TEF: variants seen among roughly 807,000 people sequenced by gnomAD.
TEF encodes TEF transcription factor, PAR bZIP family member.
In TEF, 3 loss-of-function variants were observed where a neutral mutation model predicts 20.8. The observed-to-expected ratio is 0.14, with a 90% CI of 0.07 to 0.37. TEF has a LOEUF of 0.37. Ranked by LOEUF, TEF falls within the 10% of genes least tolerant of loss-of-function variation. The pLI is 1.00. For synonymous variants in TEF, 180 were observed against 171.1 expected, an observed-to-expected ratio of 1.05 and a Z score of -0.41; for missense variants, 296 against 397.9, an observed-to-expected ratio of 0.74 and a Z score of 2.18.
At chr22:41,390,967 ACCC>A (rs2041288154) in intron 2 of TEF, among the ~76,000 whole-genome samples, 1 of 152,018 alleles carries the variant, frequency 6.6e-6, no homozygotes, top group Non-Finnish European at 1.5e-5. Flanking sequence ...GCTGAAGGGC[ACCC>A]AGGCATGGCG....
At chr22:41,387,745 C>A in intron 2 of TEF, 77 bp downstream of exon 2, 2 of 1,438,674 alleles carry the variant, frequency 1.4e-6, no homozygotes, top group South Asian at 1.3e-5. Flanking sequence ...TGCTTGTGTC[C>A]ATGTACCCAG....
intron 3 of TEF, among the ~76,000 whole-genome samples, chr22:41,395,186 A>G (rs2037212307): frequency 6.6e-6 from 1 of 152,036 alleles, no homozygotes; most frequent in Non-Finnish European, 1.5e-5. Flanking sequence ...TTGTATTCTT[A>G]GTAGAGATGG....
chr22:41,381,496 T>C (rs931707592), upstream of TEF, among the ~76,000 whole-genome samples: 4 of 152,090 alleles, frequency 2.6e-5, no homozygotes, highest in Non-Finnish European at 4.4e-5. Context: ...TAGGTCGCTT[T>C]GGCCGGCCTG....
At chr22:41,393,013 T>C (rs1409393722) in intron 2 of TEF, among the ~76,000 whole-genome samples, 1 of 150,686 alleles carries the variant, frequency 6.6e-6, no homozygotes, top group Non-Finnish European at 1.5e-5. Flanking sequence ...CTACCCTGAG[T>C]GACAGAGCAA....
In TEF at chr22:41,396,067, A is replaced by G. The variant is rs550745234; in HGVS notation, c.*107A>G. On this transcript the variant is annotated 3_prime_UTR_variant, in exon 4 of 4. Coordinates refer to ENST00000266304, the MANE Select transcript of TEF (RefSeq NM_003216.4). ...GAGACTTATGACTCGTCGTGGGCGC[A>G]TGGCGGCGCACCTGCTGCAGGAGCG... 5.6e-6 allele frequency: 7 copies of G among 1,247,360 alleles called. No individual in the cohort carries two copies. Among genetic ancestry groups the G allele is most frequent in the East Asian group, 2.5e-5 (1 of 40,350 alleles). 77.3% of individuals were successfully genotyped at this position (1,247,360 alleles called of 1,614,324 possible).
chr22:41,367,710 A>C, intron 1 of TEF: 72 of 1,069,872 alleles, frequency 6.7e-5, no homozygotes, highest in Non-Finnish European at 7.9e-5. Context: ...GGAGGGTCTC[A>C]GCAGTGGTGC....
At chr22:41,372,336 G>T (rs957105316) in intron 1 of TEF, among the ~76,000 whole-genome samples, 2 of 152,010 alleles carry the variant, frequency 1.3e-5, no homozygotes, top group African/African-American at 4.8e-5. Context: ...ACGGCATGTC[G>T]AGGAGTGATC....
rs1601808961 is a variant in TEF, at chr22:41,370,164, G to A, written c.67+2565G>A. 4 of 914,968 alleles carry A rather than the reference G, an allele frequency of 4.4e-6. No homozygotes were observed. In the Admixed American group the frequency reaches 2.5e-4, roughly 57 times the overall value. 56.7% of individuals were successfully genotyped at this position (914,968 alleles called of 1,614,324 possible). A position where few individuals can be genotyped will look rare whatever the true frequency, so the allele number is the denominator to read the frequency against. ...AGAGTCTTGCTCTATCGCCAGGCTGGAGTGCAGTGGTGCTATCTCGGCTCA... is the reference window on the plus strand; with the variant it reads ...AGAGTCTTGCTCTATCGCCAGGCTGAAGTGCAGTGGTGCTATCTCGGCTCA... On this transcript the variant is annotated intron_variant, in intron 1 of 3. Coordinates refer to the TEF transcript ENST00000406644.
At chr22:41,379,108 G>A (rs959707335), upstream of TEF, among the ~76,000 whole-genome samples, 8 of 151,734 alleles carry the variant, frequency 5.3e-5, no homozygotes, top group Admixed American at 1.3e-4. Context: ...TGGGAGACGC[G>A]GGTGGATCAC....
intron 1 of TEF, among the ~76,000 whole-genome samples, chr22:41,386,283 C>A (rs2037096363): frequency 6.6e-6 from 1 of 151,290 alleles, no homozygotes; most frequent in Non-Finnish European, 1.5e-5. Flanking sequence ...CTACTAAATA[C>A]AAAAAAAATT....
At chr22:41,381,278 G>A (rs564120719), upstream of TEF, among the ~76,000 whole-genome samples, 37 of 152,288 alleles carry the variant, frequency 2.4e-4, no homozygotes, top group African/African-American at 8.4e-4. Context: ...AGAGTCCCCA[G>A]AACAAAAAGA....
At chr22:41,378,532 G>A (rs962419856), upstream of TEF, among the ~76,000 whole-genome samples, 8 of 151,982 alleles carry the variant, frequency 5.3e-5, no homozygotes, top group African/African-American at 1.9e-4. Flanking sequence ...TTTTTTAGTA[G>A]AGACAGGGTT....
chr22:41,379,893 C>CA (rs1221059649), upstream of TEF, among the ~76,000 whole-genome samples: 1,853 of 44,912 alleles, frequency 0.041, 32 homozygotes, highest in African/African-American at 0.1. Flanking sequence ...AACTCCGTCT[C>CA]AAAAAAAAAA....
chr22:41,388,406 G>C (rs2037125221), intron 2 of TEF, among the ~76,000 whole-genome samples: 1 of 151,882 alleles, frequency 6.6e-6, no homozygotes, highest in Non-Finnish European at 1.5e-5. Flanking sequence ...ATTTTTAGTA[G>C]AGATGGGGTT....
chr22:41,383,114 C>A (rs1323125802), intron 1 of TEF: 2 of 454,150 alleles, frequency 4.4e-6, no homozygotes, highest in African/African-American at 4.0e-5. Flanking sequence ...CAAGAGCCAT[C>A]AGTTATTCAG....
At chr22:41,382,903 C>T (rs530912626) in intron 1 of TEF, 13 of 471,008 alleles carry the variant, frequency 2.8e-5, no homozygotes, top group South Asian at 1.9e-4. Context: ...GGGGCTGACC[C>T]TTAGATTCTG....
intron 2 of TEF, among the ~76,000 whole-genome samples, chr22:41,388,352 C>A (rs569996027): frequency 1.3e-5 from 2 of 152,034 alleles, no homozygotes; most frequent in South Asian, 4.2e-4. Context: ...TCAGGCTGGT[C>A]TTGGCTCACT....
intron 1 of TEF, among the ~76,000 whole-genome samples, chr22:41,370,687 C>T (rs1226896530): frequency 2.6e-5 from 4 of 152,210 alleles, no homozygotes; most frequent in Non-Finnish European, 5.9e-5. Flanking sequence ...GCTGGGATTA[C>T]AGGCGTGAGC....
intron 3 of TEF, among the ~76,000 whole-genome samples, chr22:41,394,951 G>A (rs2037209420): frequency 6.6e-6 from 1 of 152,156 alleles, no homozygotes; most frequent in Non-Finnish European, 1.5e-5. Context: ...TGATCATGGT[G>A]AATATTTAGA....
Sources: gnomAD v4.1 joint callset for allele counts (sites outside exome capture counted in the v4.1 genomes callset) on GRCh38, gnomAD v4.1.1 for gene constraint, MANE v1.5 for transcripts, NCBI Gene and HGNC (gene_info 2026-07-23, HGNC 2026-07-21) for gene names.